PRELID2: variants seen among roughly 807,000 people sequenced by gnomAD.
The protein encoded by PRELID2 is PRELI domain-containing protein 2.
In PRELID2, 25 loss-of-function variants were observed where a neutral mutation model predicts 28.4. The observed-to-expected ratio is 0.88, with a 90% confidence interval of 0.64 to 1.23. The LOEUF (loss-of-function observed/expected upper bound fraction) is 1.23. Ranked by LOEUF, PRELID2 falls within the 50% of genes most tolerant of loss-of-function variation. The pLI, the probability that PRELID2 is intolerant of heterozygous loss-of-function variation, is 0.00. For missense variants in PRELID2, 201 were observed against 214.4 expected (o/e 0.94, Z 0.39); for synonymous variants, 76 against 71.6 (o/e 1.06, Z -0.31).
At chr5:145,536,622 C>A (rs1460051856) in intron 1 of PRELID2, among the ~76,000 whole-genome samples, 2 of 151,850 alleles carry the variant, frequency 1.3e-5, no homozygotes, top group East Asian at 3.9e-4. Context: ...GGAAAAGATA[C>A]AATGTCCCTC....
the PRELID2 span, among the ~76,000 whole-genome samples, chr5:145,341,524 A>G: frequency 6.6e-6 from 1 of 152,130 alleles, no homozygotes; most frequent in Non-Finnish European, 1.5e-5. Flanking sequence ...TGGGCAACAG[A>G]GTGAGACTCC....
At chr5:145,500,933 G>C (rs1269055102) in intron 1 of PRELID2, among the ~76,000 whole-genome samples, 1 of 152,110 alleles carries the variant, frequency 6.6e-6, no homozygotes, top group Non-Finnish European at 1.5e-5. Context: ...ACCAAGCATA[G>C]ATCATGTGCC....
intron 1 of PRELID2, among the ~76,000 whole-genome samples, chr5:145,522,731 T>G (rs1752573860): frequency 6.7e-6 from 1 of 150,022 alleles, no homozygotes; most frequent in Non-Finnish European, 1.5e-5. Context: ...AGAAATAACT[T>G]GAAGCAATGT....
chr5:145,280,182 G>A, the PRELID2 span, among the ~76,000 whole-genome samples: 2 of 152,116 alleles, frequency 1.3e-5, no homozygotes, highest in African/African-American at 2.4e-5. Context: ...GAAACATGCC[G>A]GCCCCCTCCC....
chr5:145,579,674 C>T (rs1236347611), intron 1 of PRELID2, among the ~76,000 whole-genome samples: 1 of 152,028 alleles, frequency 6.6e-6, no homozygotes, highest in Non-Finnish European at 1.5e-5. Flanking sequence ...ACAAAAAAGA[C>T]TTTTAAAGTT....
At chr5:145,239,093 A>C in the PRELID2 span, among the ~76,000 whole-genome samples, 1 of 152,110 alleles carries the variant, frequency 6.6e-6, no homozygotes, top group Non-Finnish European at 1.5e-5. Context: ...TCTCAGTAAG[A>C]GTATGAGCTC....
rs114039547 is a variant in PRELID2, at chr5:145,685,372, G to T, written n.70+79559C>A. On this transcript the variant is annotated intron_variant and non_coding_transcript_variant, in intron 1 of 2. Coordinates refer to the PRELID2 transcript ENST00000510259. The stretch of plus-strand genomic sequence containing the variant: ...GTAATACGCCATGTTCTCTCCAGTC[G>T]CTAGGTCTTTGCAAATGTTATTCTT... Among the ~76,000 whole-genome samples the T allele has an allele frequency of 4.4e-3, 675 of 152,200 alleles. 3 individuals carry two copies. Among genetic ancestry groups the T allele is most frequent in the African/African-American group, 0.015 (631 of 41,538 alleles).
intron 1 of PRELID2, among the ~76,000 whole-genome samples, chr5:145,740,558 C>A (rs1756644521): frequency 1.4e-5 from 1 of 73,894 alleles, no homozygotes; most frequent in African/African-American, 4.9e-5. Context: ...TGAGAATATT[C>A]AAGTACCCAT....
downstream of PRELID2, among the ~76,000 whole-genome samples, chr5:145,471,498 A>G (rs1429312245): frequency 2.0e-5 from 3 of 152,156 alleles, no homozygotes; most frequent in African/African-American, 7.2e-5. Flanking sequence ...GGTTCTAGGT[A>G]CATAAAATAC....
intron 1 of PRELID2, among the ~76,000 whole-genome samples, chr5:145,657,516 T>C (rs1442607522): frequency 6.6e-6 from 1 of 152,106 alleles, no homozygotes; most frequent in Non-Finnish European, 1.5e-5. Context: ...AAAGCCTGTC[T>C]TCACTTAAAA....
chr5:145,336,708 A>G, the PRELID2 span, among the ~76,000 whole-genome samples: 1 of 152,084 alleles, frequency 6.6e-6, no homozygotes, highest in African/African-American at 2.4e-5. Context: ...ACTTGGAACC[A>G]ACCCAAATGT....
chr5:145,441,953 C>A, the PRELID2 span, among the ~76,000 whole-genome samples: 1 of 152,072 alleles, frequency 6.6e-6, no homozygotes. Flanking sequence ...GAATTCTTAG[C>A]TAAATGTCTA....
chr5:145,772,753 T>C (rs573299758), intron 5 of PRELID2, among the ~76,000 whole-genome samples: 3 of 152,362 alleles, frequency 2.0e-5, no homozygotes, highest in East Asian at 1.9e-4. Context: ...AGCAGGTACA[T>C]AGCAAGAGCT....
At chr5:145,432,951 C>G in the PRELID2 span, among the ~76,000 whole-genome samples, 1 of 152,056 alleles carries the variant, frequency 6.6e-6, no homozygotes, top group South Asian at 2.1e-4. Context: ...GGTAGCCTGA[C>G]GTAAATATCC....
At chr5:145,381,100 T>TA in the PRELID2 span, among the ~76,000 whole-genome samples, 1 of 152,170 alleles carries the variant, frequency 6.6e-6, no homozygotes, top group Admixed American at 6.5e-5. Context: ...AAGTTGTCTC[T>TA]AAAAAGCAAT....
chr5:145,259,592 G>A, the PRELID2 span, among the ~76,000 whole-genome samples: 1 of 152,188 alleles, frequency 6.6e-6, no homozygotes, highest in Non-Finnish European at 1.5e-5. Context: ...GGAACATGTA[G>A]CCCCTTTCTT....
At chr5:145,623,524 C>A (rs951670520) in intron 1 of PRELID2, among the ~76,000 whole-genome samples, 6 of 151,600 alleles carry the variant, frequency 4.0e-5, no homozygotes, top group African/African-American at 1.5e-4. Flanking sequence ...GGCATTGACA[C>A]AGACTTAGAC....
the PRELID2 span, among the ~76,000 whole-genome samples, chr5:145,446,901 C>T: frequency 6.6e-5 from 10 of 151,824 alleles, no homozygotes; most frequent in Middle Eastern, 3.4e-3. Context: ...ACAAAATTAG[C>T]TAGGCATGGT....
chr5:145,630,451 G>A (rs953542811), intron 1 of PRELID2, among the ~76,000 whole-genome samples: 2 of 152,114 alleles, frequency 1.3e-5, no homozygotes, highest in African/African-American at 4.8e-5. Flanking sequence ...TACATAAAAG[G>A]ACAAGGAAGA....
Sources: allele counts gnomAD v4.1 joint callset (sites outside exome capture counted in the v4.1 genomes callset), GRCh38; gene constraint gnomAD v4.1.1; transcripts MANE v1.5; gene names NCBI Gene and HGNC (gene_info 2026-07-23, HGNC 2026-07-21).